CADM2: variants seen among roughly 807,000 people sequenced by gnomAD.
CADM2 encodes the protein cell adhesion molecule 2.
CADM2 carries 12 observed loss-of-function variants against 49.8 expected under a neutral mutation model. That is an observed-to-expected ratio of 0.24 (90% CI 0.15 to 0.39). The LOEUF (loss-of-function observed/expected upper bound fraction) is 0.39. Among genes scored for constraint, CADM2 ranks in the 10% least tolerant of loss-of-function variants. The pLI, the probability that CADM2 is intolerant of heterozygous loss-of-function variation, is 1.00. For synonymous variants in CADM2, 214 were observed against 175.4 expected (o/e 1.22, Z -1.74); for missense variants, 378 against 492.3 (o/e 0.77, Z 2.20).
At chr3:84,979,290 T>G (rs2107128221) in intron 1 of CADM2, among the ~76,000 whole-genome samples, 1 of 152,248 alleles carries the variant, frequency 6.6e-6, no homozygotes, top group South Asian at 2.1e-4. Context: ...TAAAAATAGG[T>G]TTGCTGCTTG....
chr3:85,929,477 A>G (rs140021124), intron 6 of CADM2, among the ~76,000 whole-genome samples: 75 of 152,130 alleles, frequency 4.9e-4, no homozygotes, highest in African/African-American at 1.7e-3. Flanking sequence ...TGGATGATGC[A>G]CTATTTACTT....
At chr3:85,162,988 T>C (rs2040372951) in intron 1 of CADM2, among the ~76,000 whole-genome samples, 1 of 152,010 alleles carries the variant, frequency 6.6e-6, no homozygotes. Context: ...TTGATGATCA[T>C]CTACCTGATA....
intron 1 of CADM2, among the ~76,000 whole-genome samples, chr3:85,672,341 C>T (rs1344618074): frequency 5.3e-5 from 8 of 151,632 alleles, no homozygotes; most frequent in African/African-American, 1.9e-4. Context: ...TACAGGTGCC[C>T]GCCACCACGC....
chr3:85,779,150 G>C (rs1235838122), intron 2 of CADM2, among the ~76,000 whole-genome samples: 1 of 151,578 alleles, frequency 6.6e-6, no homozygotes, highest in Non-Finnish European at 1.5e-5. Context: ...AGTCTCTATG[G>C]GGCATATTTT....
intron 5 of CADM2, among the ~76,000 whole-genome samples, chr3:85,910,783 A>G (rs952102043): frequency 6.6e-6 from 1 of 151,998 alleles, no homozygotes; most frequent in African/African-American, 2.4e-5. Flanking sequence ...GTGAAACTAT[A>G]AACATATTTT....
chr3:85,610,165 T>A (rs1402279762), intron 1 of CADM2, among the ~76,000 whole-genome samples: 1 of 151,978 alleles, frequency 6.6e-6, no homozygotes, highest in Non-Finnish European at 1.5e-5. Flanking sequence ...TACCTATTTG[T>A]CTGTAATTTA....
At chr3:85,274,819 C>T (rs1316787454) in intron 1 of CADM2, among the ~76,000 whole-genome samples, 1 of 151,260 alleles carries the variant, frequency 6.6e-6, no homozygotes, top group Non-Finnish European at 1.5e-5. Flanking sequence ...ACTGAAAGCC[C>T]TACAGTTGCA....
chr3:85,199,368 T>TGAGAGAGAGAGAG lies in CADM2; in HGVS notation c.61+239700_61+239701insGAGAGAGAGAGAG, dbSNP rs1553694522. ...GTGTGTGTGTGTGTGTGTGTGTGTG[T>TGAGAGAGAGAGAG]ATGAGAGAGAGAGAGAGAGAGAAGC... On this transcript the variant is annotated intron_variant, in intron 1 of 9. Transcript: ENST00000383699. Among the ~76,000 whole-genome samples the TGAGAGAGAGAGAG allele has an allele frequency of 4.3e-3, 492 of 115,198 alleles. 7 individuals are homozygous for TGAGAGAGAGAGAG. Among genetic ancestry groups the TGAGAGAGAGAGAG allele is most frequent in the African/African-American group, 0.026 (475 of 18,320 alleles). 75.6% of individuals were successfully genotyped at this position (115,198 alleles called of 152,430 possible).
At chr3:85,964,902 A>C (rs1192084023) in intron 8 of CADM2, among the ~76,000 whole-genome samples, 1 of 151,740 alleles carries the variant, frequency 6.6e-6, no homozygotes, top group Non-Finnish European at 1.5e-5. Context: ...TATTGTGGTC[A>C]TACTATTTAT....
intron 1 of CADM2, among the ~76,000 whole-genome samples, chr3:85,300,328 AT>A (rs1413113262): frequency 1.3e-5 from 2 of 152,100 alleles, no homozygotes; most frequent in African/African-American, 2.4e-5. Context: ...CGTAAGAATT[AT>A]TTACTTCATT....
At position 85,528,470 on chromosome 3, in the gene CADM2, T is replaced by C. The variant is rs540405675; in HGVS notation, c.62-198052T>C. 3.2e-4 allele frequency among the ~76,000 whole-genome samples: 49 copies of C among 152,324 alleles called. 1 individual carries two copies. Among genetic ancestry groups the C allele is most frequent in the African/African-American group, 1.1e-3 (46 of 41,572 alleles). The stretch of plus-strand genomic sequence containing the variant: ...AATAACTGCATGACACTCGACAATA[T>C]TGTTTAACCTCTTTGTGTTCCAATC... On this transcript the variant is annotated intron_variant, in intron 1 of 9. Transcript: ENST00000383699.
intron 1 of CADM2, among the ~76,000 whole-genome samples, chr3:85,133,771 C>T (rs2067679308): frequency 6.6e-6 from 1 of 152,252 alleles, no homozygotes; most frequent in Admixed American, 6.5e-5. Flanking sequence ...CACGTCCCCT[C>T]CAGACTCAGG....
chr3:86,037,481 G>A (rs1479044509), intron 8 of CADM2, among the ~76,000 whole-genome samples: 2 of 152,024 alleles, frequency 1.3e-5, no homozygotes, highest in African/African-American at 4.8e-5. Context: ...AAAGGAGAAT[G>A]GAAGTAGAAT....
At chr3:85,544,115 C>CTAATGTTTTA (rs2061609754) in intron 1 of CADM2, among the ~76,000 whole-genome samples, 1 of 152,006 alleles carries the variant, frequency 6.6e-6, no homozygotes, top group Non-Finnish European at 1.5e-5. Context: ...AAACTAATGT[C>CTAATGTTTTA]AAGTAAGACA....
chr3:85,051,072 C>T (rs2035865100), intron 1 of CADM2, among the ~76,000 whole-genome samples: 1 of 152,168 alleles, frequency 6.6e-6, no homozygotes, highest in Non-Finnish European at 1.5e-5. Flanking sequence ...TGGAGACTAG[C>T]CAGACTTCTG....
intron 5 of CADM2, among the ~76,000 whole-genome samples, chr3:85,895,657 T>A (rs1204068657): frequency 6.6e-6 from 1 of 152,192 alleles, no homozygotes; most frequent in Non-Finnish European, 1.5e-5. Context: ...TCAGGTGTTA[T>A]GGGAGGGACC....
intron 1 of CADM2, among the ~76,000 whole-genome samples, chr3:85,542,049 TC>T (rs1299825289): frequency 1.3e-5 from 2 of 151,922 alleles, no homozygotes; most frequent in Admixed American, 6.6e-5. Flanking sequence ...GCCTGCCCTT[TC>T]CCATGGGTTG....
At chr3:85,286,218 A>T (rs1313565866) in intron 1 of CADM2, among the ~76,000 whole-genome samples, 1 of 152,148 alleles carries the variant, frequency 6.6e-6, no homozygotes, top group Non-Finnish European at 1.5e-5. Context: ...GCTGCAGAGG[A>T]ATATAAGCTT....
At chr3:85,664,125 C>T (rs1349640973) in intron 1 of CADM2, among the ~76,000 whole-genome samples, 1 of 151,992 alleles carries the variant, frequency 6.6e-6, no homozygotes, top group East Asian at 1.9e-4. Flanking sequence ...TTCTCAACTA[C>T]TGTATCTCTA....
Sources: allele counts gnomAD v4.1 joint callset (sites outside exome capture counted in the v4.1 genomes callset), GRCh38; gene constraint gnomAD v4.1.1; transcripts MANE v1.5; gene names NCBI Gene and HGNC (gene_info 2026-07-23, HGNC 2026-07-21).